CADM2: variants seen among roughly 807,000 people sequenced by gnomAD.
CADM2 encodes the protein cell adhesion molecule 2.
CADM2 carries 12 observed loss-of-function variants against 49.8 expected under a neutral mutation model. The observed-to-expected ratio is 0.24, with a 90% CI of 0.15 to 0.39. The LOEUF is 0.39. Among genes scored for constraint, CADM2 ranks in the 10% least tolerant of loss-of-function variants. The pLI, the probability that CADM2 is intolerant of heterozygous loss-of-function variation, is 1.00. For synonymous variants in CADM2, 214 were observed against 175.4 expected, an observed-to-expected ratio of 1.22 and a Z score of -1.74; for missense variants, 378 against 492.3, an observed-to-expected ratio of 0.77 and a Z score of 2.20.
At chr3:85,035,196 C>T (rs761487335) in intron 1 of CADM2, among the ~76,000 whole-genome samples, 47 of 152,066 alleles carry the variant, frequency 3.1e-4, no homozygotes, top group Non-Finnish European at 3.4e-4. Flanking sequence ...TTTTCGTCTA[C>T]CTGTTTGCCA....
At chr3:85,802,446 A>G (rs931621870) in intron 3 of CADM2, among the ~76,000 whole-genome samples, 10 of 152,250 alleles carry the variant, frequency 6.6e-5, no homozygotes, top group Admixed American at 3.3e-4. Context: ...TTCTCTTAAC[A>G]ACCATTTCCT....
chr3:85,043,090 G>A (rs898320635), intron 1 of CADM2, among the ~76,000 whole-genome samples: 1 of 152,066 alleles, frequency 6.6e-6, no homozygotes, highest in African/African-American at 2.4e-5. Flanking sequence ...ATTGGGTGGG[G>A]GGTGAAGCTA....
chr3:85,596,277 G>T (rs1009409625), intron 1 of CADM2, among the ~76,000 whole-genome samples: 27 of 151,432 alleles, frequency 1.8e-4, no homozygotes, highest in African/African-American at 5.1e-4. Context: ...TCTAAGGGAA[G>T]AAATTACTAA....
At chr3:85,921,287 T>G (rs1719069590) in intron 6 of CADM2, among the ~76,000 whole-genome samples, 1 of 151,962 alleles carries the variant, frequency 6.6e-6, no homozygotes, top group Non-Finnish European at 1.5e-5. Context: ...TTTGTATTTC[T>G]ACTTTCTGAA....
intron 1 of CADM2, among the ~76,000 whole-genome samples, chr3:85,000,494 A>G (rs2033410277): frequency 6.6e-6 from 1 of 152,092 alleles, no homozygotes; most frequent in South Asian, 2.1e-4. Context: ...ATATGCTGAT[A>G]CTTTTCTAAG....
chr3:85,663,202 C>G (rs980805624), intron 1 of CADM2, among the ~76,000 whole-genome samples: 1 of 151,954 alleles, frequency 6.6e-6, no homozygotes, highest in African/African-American at 2.4e-5. Context: ...GACAATAGTA[C>G]CTTCCTACTT....
At chr3:85,483,356 A>G (rs2039287680) in intron 1 of CADM2, among the ~76,000 whole-genome samples, 1 of 151,406 alleles carries the variant, frequency 6.6e-6, no homozygotes, top group Admixed American at 6.6e-5. Context: ...AAATATAAGT[A>G]TCATTTCTTA....
chr3:85,666,603 G>A (rs2107622137), intron 1 of CADM2, among the ~76,000 whole-genome samples: 1 of 152,128 alleles, frequency 6.6e-6, no homozygotes, highest in African/African-American at 2.4e-5. Flanking sequence ...GGACACTCAT[G>A]CAGAAGAGAA....
intron 2 of CADM2, among the ~76,000 whole-genome samples, chr3:85,779,798 A>T (rs533408566): frequency 2.0e-5 from 3 of 152,170 alleles, no homozygotes; most frequent in Admixed American, 1.3e-4. Flanking sequence ...TGGGAACTGC[A>T]TATTTGCTAA....
intron 7 of CADM2, among the ~76,000 whole-genome samples, chr3:85,948,910 G>T (rs1324473670): frequency 6.6e-6 from 1 of 151,378 alleles, no homozygotes; most frequent in African/African-American, 2.4e-5. Flanking sequence ...GAAAGTAAAA[G>T]ATAAGACTTT....
intron 1 of CADM2, among the ~76,000 whole-genome samples, chr3:85,457,971 T>C (rs2038068307): frequency 7.7e-6 from 1 of 130,310 alleles, no homozygotes. Context: ...TGGGCTAATT[T>C]AAGTTACTCA....
At chr3:85,452,576 C>CAA (rs1183137648) in intron 1 of CADM2, among the ~76,000 whole-genome samples, 1 of 151,226 alleles carries the variant, frequency 6.6e-6, no homozygotes, top group African/African-American at 2.4e-5. Context: ...ACAACAACAA[C>CAA]AACAAAAAAG....
At chr3:85,714,519 C>G (rs549727668) in intron 1 of CADM2, among the ~76,000 whole-genome samples, 1 of 151,812 alleles carries the variant, frequency 6.6e-6, no homozygotes, top group Non-Finnish European at 1.5e-5. Flanking sequence ...CTCCACCTCC[C>G]GGGTTCACAC....
Position 85,623,837 on chromosome 3 carries a change from G to T in CADM2, c.62-102685G>T, listed in dbSNP as rs182688586. The stretch of plus-strand genomic sequence containing the variant: ...TGAATAGTTTAGAGATCTAATAGTT[G>T]AAAATTTCATTGTAGAATCATTTTT... On this transcript the variant is annotated intron_variant, in intron 1 of 9. Transcript: ENST00000383699. Among the ~76,000 whole-genome samples the T allele has an allele frequency of 2.2e-3, 340 of 152,160 alleles. 1 individual carries two copies. The highest frequency in any genetic ancestry group is 3.8e-3 in the Non-Finnish European group (261 of 67,994).
intron 2 of CADM2, among the ~76,000 whole-genome samples, chr3:85,747,938 A>C (rs949116807): frequency 6.6e-6 from 1 of 152,118 alleles, no homozygotes; most frequent in Non-Finnish European, 1.5e-5. Context: ...GAGGAGGCGT[A>C]CTAATTGATA....
chr3:84,988,080 C>G (rs2032681803), intron 1 of CADM2, among the ~76,000 whole-genome samples: 1 of 152,208 alleles, frequency 6.6e-6, no homozygotes, highest in Admixed American at 6.5e-5. Context: ...TTTAGTAGCA[C>G]TCTCACTCCC....
At chr3:85,783,966 G>C (rs2108004152) in intron 2 of CADM2, among the ~76,000 whole-genome samples, 1 of 152,248 alleles carries the variant, frequency 6.6e-6, no homozygotes, top group South Asian at 2.1e-4. Context: ...TTAACAATGG[G>C]ACTTGAAATT....
intron 1 of CADM2, among the ~76,000 whole-genome samples, chr3:85,649,308 T>A (rs1437834353): frequency 6.6e-6 from 1 of 152,088 alleles, no homozygotes; most frequent in Non-Finnish European, 1.5e-5. Context: ...TATATATACT[T>A]ATTGTTTAGC....
intron 2 of CADM2, among the ~76,000 whole-genome samples, chr3:85,735,739 T>G (rs1049748573): frequency 6.6e-6 from 1 of 151,366 alleles, no homozygotes; most frequent in Non-Finnish European, 1.5e-5. Context: ...GTAGATGTTT[T>G]GTTTGTTTTG....
Sources: gnomAD v4.1 joint callset for allele counts (sites outside exome capture counted in the v4.1 genomes callset) on GRCh38, gnomAD v4.1.1 for gene constraint, MANE v1.5 for transcripts, NCBI Gene and HGNC (gene_info 2026-07-23, HGNC 2026-07-21) for gene names.